The following DYNC2H1 variants were observed in gnomAD, a reference collection of about 807,000 sequenced individuals.
DYNC2H1 encodes the protein cytoplasmic dynein 2 heavy chain 1.
In DYNC2H1, 410 loss-of-function variants were observed where a neutral mutation model predicts 570.0. The ratio of observed to expected loss-of-function variants is 0.72; its 90% confidence interval spans 0.66 to 0.78. The LOEUF is 0.78. Ranked by LOEUF, DYNC2H1 falls within the 30% of genes least tolerant of loss-of-function variation. The pLI, the probability that DYNC2H1 is intolerant of heterozygous loss-of-function variation, is 0.00. For synonymous variants in DYNC2H1, 1,688 were observed against 1,677.6 expected, an observed-to-expected ratio of 1.01 and a Z score of -0.15; for missense variants, 4,865 against 5,046.4, an observed-to-expected ratio of 0.96 and a Z score of 1.09.
rs1027422937 is a variant in DYNC2H1 at position 103,307,615 on chromosome 11, G to C, written c.11383-106G>C. 8.7e-6 allele frequency: 5 copies of C among 573,224 alleles called. No homozygotes were observed. The Admixed American group carries it at 1.7e-4, about 19-fold the overall frequency. The allele number at this position is 573,224 out of a possible 1,614,324, so 35.5% of individuals were successfully genotyped here. ...AACCAGAGCATTAAGAAATACATCA[G>C]AATGTCACAAAAGTTTTAATTAAAA... On this transcript the variant is annotated intron_variant, in intron 77 of 88. Transcript: ENST00000375735.
In DYNC2H1 at chr11:103,128,888, T is replaced by C. The variant is rs1482976600; in HGVS notation, c.1858-22T>C. On this transcript the variant is annotated intron_variant, in intron 12 of 88. Coordinates refer to ENST00000375735, the MANE Select transcript of DYNC2H1 (RefSeq NM_001377.3). ...TAAAAATGAAGTTATTAATTATTAC[T>C]AATTGGACTTTTACTTTGTAGGTGG... 14 of 1,494,204 alleles carry C rather than the reference T, an allele frequency of 9.4e-6. No individual in the cohort carries two copies. In the Admixed American group the frequency reaches 2.5e-4, roughly 27 times the overall value. 92.6% of individuals were successfully genotyped at this position (1,494,204 alleles called of 1,614,324 possible).
At position 103,299,773 on chromosome 11, in the gene DYNC2H1, C is replaced by T. The variant is rs1866973357; in HGVS notation, c.11096-3320C>T. ...GACCTTAGTTACATTTGCAAAGTCC[C>T]TTCACAGCAGTACTTAGTTTAGTTT... On this transcript the variant is annotated intron_variant, in intron 75 of 88. Transcript: ENST00000375735. This position sits in a 1 kb window ranked among gnomAD's most constrained non-coding sequence, Gnocchi z 4.5. 6.6e-6 allele frequency among the ~76,000 whole-genome samples: 1 copy of T among 152,050 alleles called. No individual in the cohort carries two copies. Among genetic ancestry groups the T allele is most frequent in the Admixed American group, 6.6e-5 (1 of 15,244 alleles).
intron 61 of DYNC2H1, among the ~76,000 whole-genome samples, 184 bp downstream of exon 61, chr11:103,234,344 A>G (rs1241681892): frequency 6.6e-6 from 1 of 151,988 alleles, no homozygotes; most frequent in Admixed American, 6.6e-5. Flanking sequence ...ATATGAATAG[A>G]TTTTTAGGCA....
At position 103,253,465 on chromosome 11, in the gene DYNC2H1, A is replaced by C. The variant is rs1349329269; in HGVS notation, c.10206+17A>C. ...CGAGGGCAGGTATACATAGATAATA[A>C]TAATTTACCTTGGAATCTTTTCGAG... On this transcript the variant is annotated intron_variant, in intron 66 of 88. Transcript: ENST00000375735. 1 of 1,581,760 alleles carries C rather than the reference A, an allele frequency of 6.3e-7. No individual in the cohort carries two copies. Among genetic ancestry groups the C allele is most frequent in the Non-Finnish European group, 8.6e-7 (1 of 1,161,184 alleles).
intron 6 of DYNC2H1, among the ~76,000 whole-genome samples, chr11:103,120,186 TA>T (rs1278380848): frequency 6.6e-6 from 1 of 152,192 alleles, no homozygotes; most frequent in Admixed American, 6.5e-5. Flanking sequence ...AAACATAGTT[TA>T]AAAATGTTTA....
chr11:103,334,450 A>T lies in DYNC2H1; in HGVS notation c.12039+10460A>T, dbSNP rs1939006504. On this transcript the variant is annotated intron_variant, in intron 82 of 88. Transcript: ENST00000375735. The surrounding 1 kb of genome is among the most constrained non-coding windows in gnomAD (Gnocchi z 4.3). ...ATCAGTTTGCAAATTATAAATATCA[A>T]ATGTAAAATTTGGTTTCATTCTAAC... Among the ~76,000 whole-genome samples the T allele has an allele frequency of 6.6e-6, 1 of 152,184 alleles. No homozygotes were observed. The highest frequency in any genetic ancestry group is 1.5e-5 in the Non-Finnish European group (1 of 67,994).
In DYNC2H1 at chr11:103,326,576, G is replaced by T. The variant is rs966879831; in HGVS notation, c.12039+2586G>T. 2.6e-5 allele frequency among the ~76,000 whole-genome samples: 4 copies of T among 152,232 alleles called. No individual in the cohort carries two copies. Among genetic ancestry groups the T allele is most frequent in the African/African-American group, 9.6e-5 (4 of 41,470 alleles). ...ACCGCATTCCGGGGACACTGGAACA[G>T]CCCTTGGCTTGGGGTCAGACTCTGG... On this transcript the variant is annotated intron_variant, in intron 82 of 88. Transcript: ENST00000375735. The surrounding 1 kb of genome is among the most constrained non-coding windows in gnomAD (Gnocchi z 6.1).
rs555098206 is a variant in DYNC2H1, at chr11:103,412,936, G to A, written c.12366+13064G>A. ...CCTCTTTGTAGGAGTGGTTCTCAAA[G>A]TGTGGTCTCCAGACCAATATCATTA... is the stretch of plus-strand genomic sequence containing the variant. On this transcript the variant is annotated intron_variant, in intron 84 of 88. Coordinates refer to ENST00000375735, the MANE Select transcript of DYNC2H1 (RefSeq NM_001377.3). Among the ~76,000 whole-genome samples, 8 of 152,198 alleles carry A rather than the reference G, an allele frequency of 5.3e-5. No individual in the cohort carries two copies. The East Asian group carries it at 1.4e-3, about 26-fold the overall frequency.
At chr11:103,144,363 A>G (rs1233864998) in intron 18 of DYNC2H1, among the ~76,000 whole-genome samples, 1 of 152,178 alleles carries the variant, frequency 6.6e-6, no homozygotes, top group Non-Finnish European at 1.5e-5. Context: ...TTTAATTGTG[A>G]TTAGTATCAA....
Position 103,200,071 on chromosome 11 carries a change from C to T in DYNC2H1, c.8114C>T (p.Ala2705Val). The T allele has an allele frequency of 1.9e-6, 3 of 1,587,288 alleles. No individual in the cohort carries two copies. The highest frequency in any genetic ancestry group is 2.3e-5 in the East Asian group (1 of 43,948). The change falls in exon 50 of 89, where the codon GCA becomes GTA. Residue 2705 changes from alanine (A) to valine (V), a missense_variant. Coordinates refer to ENST00000375735, the MANE Select transcript of DYNC2H1 (RefSeq NM_001377.3). ...GTGCTGCAACTTGCAGGAATTGAAG[C>T]ACAACAGGTAGTTTTACTTCTTGAG... ...KHVLQLAGIEAQQVVLLLEDY... is the reference protein window; with the variant it reads ...KHVLQLAGIEVQQVVLLLEDY...
intron 29 of DYNC2H1, among the ~76,000 whole-genome samples, chr11:103,162,306 C>CA (rs1364829977): frequency 6.6e-6 from 1 of 151,986 alleles, no homozygotes; most frequent in Non-Finnish European, 1.5e-5. Flanking sequence ...AGCTGGAACA[C>CA]AGAGTTATTT....
chr11:103,112,033 G>C (rs1858140274), intron 1 of DYNC2H1, among the ~76,000 whole-genome samples: 2 of 152,192 alleles, frequency 1.3e-5, no homozygotes, highest in African/African-American at 4.8e-5. Flanking sequence ...TAATGTTATA[G>C]TAGTGATGGG....
chr11:103,114,292 C>T (rs1479066737), intron 3 of DYNC2H1, 54 bp downstream of exon 3: 14 of 1,439,016 alleles, frequency 9.7e-6, no homozygotes, highest in Middle Eastern at 4.9e-4. Flanking sequence ...CTCATTAATA[C>T]ATTAGTAAAT....
At chr11:103,257,563 C>A in intron 68 of DYNC2H1, 45 bp from the exon 69 acceptor site, 4 of 1,552,488 alleles carry the variant, frequency 2.6e-6, no homozygotes, top group Middle Eastern at 1.7e-4. Context: ...AGCACTAATT[C>A]TAAGGTGTTT....
intron 84 of DYNC2H1, chr11:103,404,649 A>T (rs1942785011): frequency 1.3e-5 from 2 of 150,954 alleles, no homozygotes. Flanking sequence ...TATAACCTGA[A>T]AATAAGGGGA....
At chr11:103,284,470 A>G (rs1033816576) in intron 73 of DYNC2H1, among the ~76,000 whole-genome samples, 1 of 152,204 alleles carries the variant, frequency 6.6e-6, no homozygotes, top group Non-Finnish European at 1.5e-5. Context: ...AGCATATCAA[A>G]TAATTACCTT....
chr11:103,153,149 G>C (rs1860646704), intron 21 of DYNC2H1, among the ~76,000 whole-genome samples, 154 bp from the exon 22 acceptor site: 1 of 151,916 alleles, frequency 6.6e-6, no homozygotes, highest in Admixed American at 6.6e-5. Flanking sequence ...ATTGAACTTG[G>C]AATTAATAAT....
rs1456629160 is a variant in DYNC2H1 at position 103,305,291 on chromosome 11, G to A, written c.11382+571G>A. On this transcript the variant is annotated intron_variant, in intron 77 of 88. Coordinates refer to ENST00000375735, the MANE Select transcript of DYNC2H1 (RefSeq NM_001377.3). This position sits in a 1 kb window ranked among gnomAD's most constrained non-coding sequence, Gnocchi z 4.3. ...GAGATATTCCTTGAAAGTCAAATAG[G>A]ATTTTGCTAAGTATAGGCAAAGAAA... Among the ~76,000 whole-genome samples the A allele has an allele frequency of 6.6e-6, 1 of 152,118 alleles. No individual in the cohort carries two copies. Among genetic ancestry groups the A allele is most frequent in the African/African-American group, 2.4e-5 (1 of 41,410 alleles).
chr11:103,130,012 C>A (rs758261349), intron 13 of DYNC2H1, among the ~76,000 whole-genome samples: 19 of 152,266 alleles, frequency 1.2e-4, no homozygotes, highest in Non-Finnish European at 2.8e-4. Flanking sequence ...GGGAAAGGTG[C>A]ATGATGGGGT....
Sources: allele counts gnomAD v4.1 joint callset (sites outside exome capture counted in the v4.1 genomes callset), GRCh38; gene constraint gnomAD v4.1.1; non-coding constraint Gnocchi (gnomAD v3.1); transcripts MANE v1.5; gene names NCBI Gene and HGNC (gene_info 2026-07-23, HGNC 2026-07-21).